CDH4: variants seen among roughly 807,000 people sequenced by gnomAD.
The protein encoded by CDH4 is cadherin-4.
Under a neutral mutation model 86.0 loss-of-function variants are expected in CDH4, and 33 were observed. That is an observed-to-expected ratio of 0.38 (90% CI 0.29 to 0.51). The LOEUF (loss-of-function observed/expected upper bound fraction) is 0.51. Ranked by LOEUF, CDH4 falls within the 20% of genes least tolerant of loss-of-function variation. The probability of loss-of-function intolerance (pLI) is 0.86; values close to 1 mark genes in which losing one functional copy is unlikely to be tolerated. For synonymous variants in CDH4, 555 were observed against 549.4 expected, an observed-to-expected ratio of 1.01 and a Z score of -0.14; for missense variants, 1,114 against 1,307.4, an observed-to-expected ratio of 0.85 and a Z score of 2.28.
chr20:61,614,592 G>C (rs1372087830), intron 2 of CDH4, among the ~76,000 whole-genome samples: 2 of 152,102 alleles, frequency 1.3e-5, no homozygotes, highest in Non-Finnish European at 2.9e-5. Flanking sequence ...GCGCTGACGT[G>C]GGCAATTAGT....
At chr20:61,279,217 G>A (rs1394214191) in intron 2 of CDH4, among the ~76,000 whole-genome samples, 2 of 152,198 alleles carry the variant, frequency 1.3e-5, no homozygotes, top group East Asian at 3.9e-4. Flanking sequence ...CCAGGCTCCA[G>A]AGGGACACGG....
intron 2 of CDH4, among the ~76,000 whole-genome samples, chr20:61,595,013 G>A (rs944892779): frequency 3.9e-5 from 6 of 152,304 alleles, no homozygotes; most frequent in African/African-American, 7.2e-5. Context: ...TGCAGTGACC[G>A]TGGGCTCCAT....
At chr20:61,512,014 A>G (rs1600721239) in intron 2 of CDH4, among the ~76,000 whole-genome samples, 2 of 152,272 alleles carry the variant, frequency 1.3e-5, no homozygotes, top group South Asian at 4.1e-4. Flanking sequence ...TAGGCCGAGA[A>G]CACCCTCCAT....
At chr20:61,701,062 G>A (rs912954166) in intron 2 of CDH4, among the ~76,000 whole-genome samples, 10 of 152,308 alleles carry the variant, frequency 6.6e-5, no homozygotes, top group Non-Finnish European at 1.2e-4. Context: ...GTGGTTTGAC[G>A]AAAGCCGTCA....
chr20:61,698,833 C>A (rs572088046), intron 2 of CDH4, among the ~76,000 whole-genome samples: 46 of 152,320 alleles, frequency 3.0e-4, no homozygotes, highest in African/African-American at 8.9e-4. Flanking sequence ...ATGTGCTTAG[C>A]CTTTTGTGTC....
At chr20:61,406,054 C>A (rs2085080191) in intron 2 of CDH4, among the ~76,000 whole-genome samples, 1 of 152,166 alleles carries the variant, frequency 6.6e-6, no homozygotes, top group African/African-American at 2.4e-5. Flanking sequence ...TCCCATAAAC[C>A]CAGCCCCTTG....
chr20:61,614,337 G>T (rs2086708732), intron 2 of CDH4, among the ~76,000 whole-genome samples: 1 of 152,150 alleles, frequency 6.6e-6, no homozygotes, highest in Non-Finnish European at 1.5e-5. Flanking sequence ...GAGCTTTCAG[G>T]CTGTTGAGCA....
At chr20:61,863,254 C>T (rs921551748) in intron 6 of CDH4, among the ~76,000 whole-genome samples, 22 of 152,238 alleles carry the variant, frequency 1.4e-4, no homozygotes, top group Admixed American at 9.2e-4. Flanking sequence ...GCATCTCCCA[C>T]GTGAAAGACG....
chr20:61,425,816 GC>G (rs773566014), intron 2 of CDH4, among the ~76,000 whole-genome samples: 4 of 150,902 alleles, frequency 2.7e-5, no homozygotes, highest in Admixed American at 6.6e-5. Context: ...CAAAGGCCCC[GC>G]CCAGGGCAGG....
chr20:61,797,776 G>A (rs1979609230), intron 4 of CDH4, among the ~76,000 whole-genome samples: 1 of 152,170 alleles, frequency 6.6e-6, no homozygotes, highest in South Asian at 2.1e-4. Context: ...GACAAAGTGA[G>A]ACCCCGTCTC....
chr20:61,632,589 T>G (rs903108168), intron 2 of CDH4, among the ~76,000 whole-genome samples: 1 of 151,830 alleles, frequency 6.6e-6, no homozygotes, highest in Non-Finnish European at 1.5e-5. Context: ...CAGCCCCCAC[T>G]CTACCCTCCA....
chr20:61,855,538 C>G (rs1242253211), intron 6 of CDH4, among the ~76,000 whole-genome samples: 2 of 152,190 alleles, frequency 1.3e-5, no homozygotes, highest in African/African-American at 2.4e-5. Flanking sequence ...CCACTGGCCT[C>G]TCTCCCGGAG....
In CDH4 at chr20:61,932,022, G is replaced by A. The variant is rs750557391; in HGVS notation, c.2240-963G>A. 4.2e-4 allele frequency among the ~76,000 whole-genome samples: 64 copies of A among 152,152 alleles called. 1 individual carries two copies. The highest frequency in any genetic ancestry group is 2.7e-3 in the South Asian group (13 of 4,826). ...CACCCCAGGGGCCCTCAGGAAGCAG[G>A]ATCCCTGGATCCCCTCTCTGGGCCC... On this transcript the variant is annotated intron_variant, in intron 13 of 15. Coordinates refer to ENST00000614565, the MANE Select transcript of CDH4 (RefSeq NM_001794.5).
At position 61,544,656 on chromosome 20, in the gene CDH4, G is replaced by A. The variant is rs1290326494; in HGVS notation, c.170-198907G>A. On this transcript the variant is annotated intron_variant, in intron 2 of 15. Transcript: ENST00000614565. This position sits in a 1 kb window ranked among gnomAD's most constrained non-coding sequence, Gnocchi z 6.5. Reference sequence around the variant, plus strand: ...ACCCCACGCTGCTCTACTCCGCACCGGCCCCCCTGCCTGTACTTGACCACA... The same window carrying A: ...ACCCCACGCTGCTCTACTCCGCACCAGCCCCCCTGCCTGTACTTGACCACA... Among the ~76,000 whole-genome samples, 11 of 152,122 alleles carry A rather than the reference G, an allele frequency of 7.2e-5. No homozygotes were observed. The highest frequency in any genetic ancestry group is 2.1e-4 in the South Asian group (1 of 4,826).
chr20:61,813,680 C>T (rs1326230362), intron 4 of CDH4, among the ~76,000 whole-genome samples: 1 of 152,112 alleles, frequency 6.6e-6, no homozygotes, highest in Non-Finnish European at 1.5e-5. Flanking sequence ...GAACTGGGTG[C>T]CTGGGCCTCT....
At chr20:61,768,979 C>G (rs970185260) in intron 3 of CDH4, among the ~76,000 whole-genome samples, 1 of 152,206 alleles carries the variant, frequency 6.6e-6, no homozygotes, top group Non-Finnish European at 1.5e-5. Flanking sequence ...GCTGCTGGTT[C>G]TGAAGCACCA....
At chr20:61,330,707 C>G (rs1436738523) in intron 2 of CDH4, among the ~76,000 whole-genome samples, 1 of 152,216 alleles carries the variant, frequency 6.6e-6, no homozygotes, top group Admixed American at 6.5e-5. Flanking sequence ...CGGCTGCCAC[C>G]TTGGGAATTC....
In CDH4 at chr20:61,928,331, C is replaced by T. The variant is rs1212521969; in HGVS notation, c.1913C>T (p.Ala638Val). Residue 638 changes from alanine to valine, a missense_variant, in exon 12 of 16, where the codon GCT (alanine) becomes GTT (valine). Around this residue, in one of 3 missense-constraint regions of CDH4, gnomAD observed 705 missense variants for 914.1 expected, o/e 0.77. Transcript: ENST00000614565. Reference protein sequence around the residue: ...LNAINITAADADVDPNIGPYV... With the variant: ...LNAINITAADVDVDPNIGPYV... Reference sequence around the variant, plus strand: ...GCCATCAACATCACGGCGGCCGACGCTGACGTCGACCCCAACATCGGCCCC... The same window carrying T: ...GCCATCAACATCACGGCGGCCGACGTTGACGTCGACCCCAACATCGGCCCC... 1 of 1,610,954 alleles carries T rather than the reference C, an allele frequency of 6.2e-7. No homozygotes were observed. The highest frequency in any genetic ancestry group is 8.5e-7 in the Non-Finnish European group (1 of 1,180,002).
intron 4 of CDH4, among the ~76,000 whole-genome samples, chr20:61,817,059 A>G (rs1312070691): frequency 4.6e-5 from 7 of 152,000 alleles, no homozygotes; most frequent in South Asian, 4.2e-4. Context: ...TGAAATGTTC[A>G]CTCCTTGGCT....
Sources: allele counts gnomAD v4.1 joint callset (sites outside exome capture counted in the v4.1 genomes callset), GRCh38; gene constraint gnomAD v4.1.1; regional missense constraint gnomAD v4.1.1; non-coding constraint Gnocchi (gnomAD v3.1); transcripts MANE v1.5; gene names NCBI Gene and HGNC (gene_info 2026-07-23, HGNC 2026-07-21).